Variants in GPC6 observed in about 807,000 individuals in gnomAD.
GPC6 encodes glypican 6.
In GPC6, 14 loss-of-function variants were observed where a neutral mutation model predicts 55.2. That is an observed-to-expected ratio of 0.25 (90% CI 0.17 to 0.40). GPC6 has a LOEUF of 0.40. GPC6 is among the 10% of genes least tolerant of loss of function. The pLI is 1.00. For synonymous variants in GPC6, 278 were observed against 259.6 expected (o/e 1.07, Z -0.68); for missense variants, 641 against 708.5 (o/e 0.90, Z 1.08).
intron 1 of GPC6, among the ~76,000 whole-genome samples, chr13:93,308,046 A>C (rs2139103972): frequency 6.6e-6 from 1 of 152,228 alleles, no homozygotes; most frequent in African/African-American, 2.4e-5. Flanking sequence ...GCACTTTGGG[A>C]GGCCGAGGTG....
chr13:94,173,110 T>C (rs1350482883), intron 4 of GPC6, among the ~76,000 whole-genome samples: 1 of 152,154 alleles, frequency 6.6e-6, no homozygotes, highest in Non-Finnish European at 1.5e-5. Flanking sequence ...TGCAGATCAG[T>C]CCACAACTGG....
chr13:93,921,067 T>C (rs1461489322), intron 3 of GPC6, among the ~76,000 whole-genome samples: 1 of 152,216 alleles, frequency 6.6e-6, no homozygotes, highest in East Asian at 1.9e-4. Flanking sequence ...GTTGTCTCTA[T>C]CAGTCCTGCC....
intron 2 of GPC6, among the ~76,000 whole-genome samples, chr13:93,735,932 T>A (rs867802168): frequency 1.7e-4 from 26 of 152,256 alleles, no homozygotes; most frequent in Admixed American, 1.1e-3. Context: ...AGGGTCTTGT[T>A]CCTTTTGCCT....
intron 3 of GPC6, among the ~76,000 whole-genome samples, chr13:94,012,885 C>T (rs947742710): frequency 6.6e-6 from 1 of 152,192 alleles, no homozygotes; most frequent in Non-Finnish European, 1.5e-5. Context: ...TTTAAACTCA[C>T]TGCTAAAATG....
At chr13:93,430,971 G>A (rs1034338807) in intron 1 of GPC6, among the ~76,000 whole-genome samples, 9 of 152,128 alleles carry the variant, frequency 5.9e-5, no homozygotes, top group African/African-American at 2.2e-4. Context: ...GAGAAAATTA[G>A]GCCTGGATGT....
At chr13:93,557,546 T>G (rs1443227588) in intron 2 of GPC6, among the ~76,000 whole-genome samples, 1 of 152,208 alleles carries the variant, frequency 6.6e-6, no homozygotes, top group East Asian at 1.9e-4. Context: ...TTACTGACTT[T>G]GTTCCCTTGA....
intron 3 of GPC6, among the ~76,000 whole-genome samples, chr13:93,878,454 A>G (rs1009481196): frequency 2.7e-5 from 4 of 149,278 alleles, no homozygotes; most frequent in Non-Finnish European, 5.9e-5. Flanking sequence ...TTGGCTCACT[A>G]CAACAACCAC....
chr13:93,984,026 T>A (rs1204847377), intron 3 of GPC6, among the ~76,000 whole-genome samples: 1 of 152,046 alleles, frequency 6.6e-6, no homozygotes, highest in Admixed American at 6.5e-5. Context: ...TTGAGGAACA[T>A]TGAATTTATT....
At chr13:93,672,807 G>A (rs1033332693) in intron 2 of GPC6, among the ~76,000 whole-genome samples, 5 of 151,824 alleles carry the variant, frequency 3.3e-5, no homozygotes, top group African/African-American at 1.2e-4. Flanking sequence ...TATTGTATTT[G>A]ACTAAAAGTG....
chr13:93,366,455 A>T (rs78336097), intron 1 of GPC6, among the ~76,000 whole-genome samples: 3,966 of 152,166 alleles, frequency 0.026, 183 homozygotes, highest in African/African-American at 0.09. Context: ...GATAATGTAG[A>T]AGAGGACATG....
chr13:93,506,026 G>C (rs1880699547), intron 1 of GPC6, among the ~76,000 whole-genome samples: 2 of 152,098 alleles, frequency 1.3e-5, no homozygotes, highest in Non-Finnish European at 2.9e-5. Flanking sequence ...GTTGTCATTG[G>C]ATACAGTTAT....
At chr13:93,323,566 T>C (rs1348525332) in intron 1 of GPC6, among the ~76,000 whole-genome samples, 1 of 152,188 alleles carries the variant, frequency 6.6e-6, no homozygotes, top group African/African-American at 2.4e-5. Context: ...GGTTAGCAAG[T>C]TCCGCCTCCT....
intron 6 of GPC6, among the ~76,000 whole-genome samples, chr13:94,380,908 A>G (rs529718427): frequency 6.6e-6 from 1 of 152,258 alleles, no homozygotes; most frequent in African/African-American, 2.4e-5. Context: ...TATGATGGAC[A>G]TTTTTGATGA....
chr13:94,114,673 A>G (rs575368103), intron 4 of GPC6, among the ~76,000 whole-genome samples: 3 of 152,270 alleles, frequency 2.0e-5, no homozygotes, highest in Admixed American at 6.5e-5. Flanking sequence ...CAGCTATATT[A>G]CCATTGAAGC....
intron 5 of GPC6, among the ~76,000 whole-genome samples, chr13:94,295,452 C>A (rs1273303763): frequency 6.6e-6 from 1 of 152,088 alleles, no homozygotes; most frequent in Non-Finnish European, 1.5e-5. Context: ...GTCGGAAGAT[C>A]AGACTTGCAA....
chr13:94,081,638 C>T (rs1264125851), intron 4 of GPC6, among the ~76,000 whole-genome samples: 1 of 152,080 alleles, frequency 6.6e-6, no homozygotes, highest in African/African-American at 2.4e-5. Context: ...GCAAAGTTGA[C>T]ATTGGAAAGG....
intron 1 of GPC6, among the ~76,000 whole-genome samples, chr13:93,377,966 T>G (rs969470744): frequency 1.3e-5 from 2 of 152,184 alleles, no homozygotes; most frequent in South Asian, 4.1e-4. Flanking sequence ...GGAATAACAT[T>G]TTCAAGTGAA....
chr13:93,507,127 A>C (rs1232025522), intron 1 of GPC6, among the ~76,000 whole-genome samples: 2 of 148,450 alleles, frequency 1.3e-5, no homozygotes, highest in Non-Finnish European at 3.0e-5. Flanking sequence ...AGGACTGGTC[A>C]ACTTACTTGC....
chr13:93,338,028 T>C (rs1433250124), intron 1 of GPC6, among the ~76,000 whole-genome samples: 1 of 152,218 alleles, frequency 6.6e-6, no homozygotes, highest in Non-Finnish European at 1.5e-5. Context: ...TTACCCTTTT[T>C]TGTTTGTTCA....
Sources: allele counts gnomAD v4.1 joint callset (sites outside exome capture counted in the v4.1 genomes callset), GRCh38; gene constraint gnomAD v4.1.1; transcripts MANE v1.5; gene names NCBI Gene and HGNC (gene_info 2026-07-23, HGNC 2026-07-21).